GALNT13: variants seen among roughly 807,000 people sequenced by gnomAD.
GALNT13 encodes the protein UDP-GalNAc:polypeptide N-acetylgalactosaminyltransferase 13.
GALNT13 carries 28 observed loss-of-function variants against 64.2 expected under a neutral mutation model. The ratio of observed to expected loss-of-function variants is 0.44; its 90% CI spans 0.32 to 0.60. The LOEUF (loss-of-function observed/expected upper bound fraction) is 0.60, where lower values mean the gene tolerates loss of function less well. GALNT13 is among the 20% of genes least tolerant of loss of function. The pLI, the probability that GALNT13 is intolerant of heterozygous loss-of-function variation, is 0.05. For missense variants in GALNT13, 577 were observed against 669.8 expected (o/e 0.86, Z 1.53); for synonymous variants, 214 against 224.6 (o/e 0.95, Z 0.42).
chr2:154,418,113 G>A (rs1378405473), intron 11 of GALNT13, among the ~76,000 whole-genome samples: 3 of 152,020 alleles, frequency 2.0e-5, no homozygotes, highest in South Asian at 2.1e-4. Flanking sequence ...AGGAATAAAC[G>A]CTTATTAAAA....
At chr2:153,400,893 T>C in the GALNT13 span, among the ~76,000 whole-genome samples, 1 of 152,248 alleles carries the variant, frequency 6.6e-6, no homozygotes, top group Admixed American at 6.5e-5. Context: ...GATTCATTAA[T>C]TTTTTGAAGG....
chr2:154,314,592 C>T (rs1045698495), intron 9 of GALNT13, among the ~76,000 whole-genome samples: 1 of 152,128 alleles, frequency 6.6e-6, no homozygotes, highest in African/African-American at 2.4e-5. Context: ...AGGCTGCTTC[C>T]ACTCACGGTG....
At chr2:154,423,839 A>C (rs1321309667) in intron 11 of GALNT13, among the ~76,000 whole-genome samples, 2 of 152,150 alleles carry the variant, frequency 1.3e-5, no homozygotes, top group South Asian at 4.1e-4. Flanking sequence ...ACAATGGAGA[A>C]ATATTGGCAA....
At chr2:153,645,953 T>G in the GALNT13 span, among the ~76,000 whole-genome samples, 1 of 152,058 alleles carries the variant, frequency 6.6e-6, no homozygotes, top group East Asian at 1.9e-4. Context: ...TTGTGGAGAG[T>G]GTTTTACATT....
At chr2:153,495,341 C>A in the GALNT13 span, among the ~76,000 whole-genome samples, 1 of 139,478 alleles carries the variant, frequency 7.2e-6, no homozygotes, top group South Asian at 2.5e-4. Context: ...ACAACAAAAA[C>A]AACAACAACA....
At chr2:153,973,178 A>G (rs1693855477) in intron 3 of GALNT13, among the ~76,000 whole-genome samples, 1 of 133,226 alleles carries the variant, frequency 7.5e-6, no homozygotes, top group South Asian at 2.2e-4. Context: ...TTAGACAAGT[A>G]GTAGAGGCCA....
At chr2:153,240,698 A>C in the GALNT13 span, among the ~76,000 whole-genome samples, 1 of 152,118 alleles carries the variant, frequency 6.6e-6, no homozygotes, top group Non-Finnish European at 1.5e-5. Context: ...CAGCCCTATC[A>C]CATTGTGTCT....
chr2:153,411,627 G>A, the GALNT13 span, among the ~76,000 whole-genome samples: 1 of 152,182 alleles, frequency 6.6e-6, no homozygotes, highest in Non-Finnish European at 1.5e-5. Flanking sequence ...GGAGGGGCAA[G>A]CAGGTGCTGG....
intron 4 of GALNT13, among the ~76,000 whole-genome samples, chr2:154,178,771 C>T (rs1169862120): frequency 6.6e-6 from 1 of 152,172 alleles, no homozygotes; most frequent in Non-Finnish European, 1.5e-5. Context: ...TGTCCTTTCC[C>T]ATTCAGCCAG....
chr2:153,181,669 C>A, the GALNT13 span, among the ~76,000 whole-genome samples: 2 of 143,034 alleles, frequency 1.4e-5, no homozygotes, highest in African/African-American at 2.5e-5. Flanking sequence ...TTATATAATT[C>A]TATTTATGTA....
At chr2:154,391,057 C>A (rs2105351611) in intron 9 of GALNT13, among the ~76,000 whole-genome samples, 1 of 152,302 alleles carries the variant, frequency 6.6e-6, no homozygotes, top group East Asian at 1.9e-4. Flanking sequence ...TTTAGATAGT[C>A]TTCTCTTTTA....
intron 8 of GALNT13, among the ~76,000 whole-genome samples, chr2:154,284,275 A>G (rs1692131608): frequency 6.6e-6 from 1 of 151,962 alleles, no homozygotes; most frequent in South Asian, 2.1e-4. Flanking sequence ...CTCTTTCCCC[A>G]TCTCTCCCCG....
At chr2:153,478,629 A>C in the GALNT13 span, 1 of 1,323,000 alleles carries the variant, frequency 7.6e-7, no homozygotes, top group Admixed American at 2.7e-5. Flanking sequence ...GCGGCGCTGG[A>C]GGAACAGGTG....
intron 3 of GALNT13, among the ~76,000 whole-genome samples, chr2:154,050,273 G>A (rs1177290797): frequency 6.6e-6 from 1 of 152,156 alleles, no homozygotes; most frequent in Non-Finnish European, 1.5e-5. Context: ...CATTTTGACA[G>A]TGAGGAAAGT....
chr2:153,688,993 TGTGTGTG>T, the GALNT13 span, among the ~76,000 whole-genome samples: 4 of 18,944 alleles, frequency 2.1e-4, no homozygotes, highest in African/African-American at 4.4e-4. Flanking sequence ...GAGGTAGGGG[TGTGTGTG>T]TGTGTGTGTG....
upstream of GALNT13, among the ~76,000 whole-genome samples, chr2:153,871,436 G>C (rs1327570153): frequency 6.6e-6 from 1 of 152,140 alleles, no homozygotes; most frequent in African/African-American, 2.4e-5. Context: ...GTACCCCGCA[G>C]CATCTCTCGG....
chr2:153,158,309 A>ATATTTTTGT, the GALNT13 span, among the ~76,000 whole-genome samples: 7 of 152,284 alleles, frequency 4.6e-5, no homozygotes, highest in African/African-American at 1.4e-4. Flanking sequence ...AAAATCTCTA[A>ATATTTTTGT]GGCTATGAAG....
the GALNT13 span, among the ~76,000 whole-genome samples, chr2:153,230,155 A>AT: frequency 1.3e-5 from 2 of 152,314 alleles, no homozygotes; most frequent in African/African-American, 4.8e-5. Flanking sequence ...TGGCCTGCTC[A>AT]TTTATTCCTC....
At chr2:154,118,517 G>C (rs1181484635) in intron 3 of GALNT13, among the ~76,000 whole-genome samples, 1 of 150,950 alleles carries the variant, frequency 6.6e-6, no homozygotes, top group Non-Finnish European at 1.5e-5. Flanking sequence ...TTACATTCCA[G>C]GTAATTACTG....
Sources: gnomAD v4.1 joint callset for allele counts (sites outside exome capture counted in the v4.1 genomes callset) on GRCh38, gnomAD v4.1.1 for gene constraint, MANE v1.5 for transcripts, NCBI Gene and HGNC (gene_info 2026-07-23, HGNC 2026-07-21) for gene names.